FANCC: variants seen among roughly 807,000 people sequenced by gnomAD.
FANCC encodes the protein FA complementation group C.
In FANCC, 55 loss-of-function variants were observed where a neutral mutation model predicts 71.3. The observed-to-expected ratio is 0.77, with a 90% confidence interval of 0.62 to 0.97. The LOEUF is 0.97. Among genes scored for constraint, FANCC ranks in the 50% least tolerant of loss-of-function variants. The pLI is 0.00. For synonymous variants in FANCC, 275 were observed against 244.9 expected (o/e 1.12, Z -1.15); for missense variants, 678 against 670.9 (o/e 1.01, Z -0.12).
intron 1 of FANCC, among the ~76,000 whole-genome samples, chr9:95,277,764 CAT>C (rs150485326): frequency 0.01 from 1,582 of 152,210 alleles, 30 homozygotes; most frequent in African/African-American, 0.037. Context: ...CATGGGAAAA[CAT>C]ATTCAAAGTG....
chr9:95,150,093 GAAGAAAT>G lies in FANCC; in HGVS notation c.522-13_522-7del. The G allele has an allele frequency of 6.2e-7, 1 of 1,613,934 alleles. No homozygotes were observed. The highest frequency in any genetic ancestry group is 8.5e-7 in the Non-Finnish European group (1 of 1,179,926). On this transcript the variant is annotated splice_region_variant and splice_polypyrimidine_tract_variant and intron_variant, in intron 6 of 14. Coordinates refer to ENST00000289081, the MANE Select transcript of FANCC (RefSeq NM_000136.3). ...CCACTCGCTCGGGAGCCATTCTATGGAAGAAATAAGAAATAATCACTCAAATCTAAGA... is the reference window on the plus strand; with the variant it reads ...CCACTCGCTCGGGAGCCATTCTATGGAAGAAATAATCACTCAAATCTAAGA...
intron 4 of FANCC, among the ~76,000 whole-genome samples, chr9:95,215,364 G>A (rs896122442): frequency 1.3e-5 from 2 of 152,130 alleles, no homozygotes; most frequent in Non-Finnish European, 2.9e-5. Flanking sequence ...AGGAGAGGAG[G>A]AGAGGGAGAT....
At chr9:95,184,699 T>C (rs1035320666) in intron 4 of FANCC, among the ~76,000 whole-genome samples, 2 of 152,102 alleles carry the variant, frequency 1.3e-5, no homozygotes, top group African/African-American at 4.8e-5. Flanking sequence ...AAAATTCACA[T>C]GGAGAAGCAA....
intron 1 of FANCC, among the ~76,000 whole-genome samples, chr9:95,271,934 T>TTTC (rs1459423926): frequency 2.3e-4 from 22 of 96,340 alleles, no homozygotes; most frequent in Admixed American, 2.2e-4. Context: ...CTTCTTTTTT[T>TTTC]TTTTTTTTTT....
intron 1 of FANCC, chr9:95,294,528 C>A: frequency 6.4e-7 from 1 of 1,553,946 alleles, no homozygotes; most frequent in Non-Finnish European, 8.9e-7. Context: ...CCAGCTTTTC[C>A]ATGAGTACTG....
At chr9:95,244,624 A>G (rs112725504) in intron 3 of FANCC, among the ~76,000 whole-genome samples, 1,611 of 132,994 alleles carry the variant, frequency 0.012, 30 homozygotes, top group African/African-American at 0.042. Context: ...GGTTGCAGTG[A>G]GCCGAGATCA....
At chr9:95,314,329 T>C (rs986814398) in intron 1 of FANCC, among the ~76,000 whole-genome samples, 6 of 152,286 alleles carry the variant, frequency 3.9e-5, no homozygotes, top group South Asian at 2.1e-4. Context: ...ACCTGTGGAG[T>C]AGCCATTCTT....
At chr9:95,295,387 C>T (rs1187053896) in intron 1 of FANCC, among the ~76,000 whole-genome samples, 1 of 151,998 alleles carries the variant, frequency 6.6e-6, no homozygotes, top group African/African-American at 2.4e-5. Context: ...CAAAGCAAAA[C>T]AAAACAAAGC....
At chr9:95,134,640 C>T (rs1425016946) in intron 8 of FANCC, among the ~76,000 whole-genome samples, 1 of 152,202 alleles carries the variant, frequency 6.6e-6, no homozygotes, top group East Asian at 1.9e-4. Context: ...TTTCAGGGTG[C>T]CTTGGTCTTT....
intron 4 of FANCC, among the ~76,000 whole-genome samples, chr9:95,194,192 C>G (rs985960618): frequency 2.6e-5 from 4 of 152,142 alleles, no homozygotes; most frequent in African/African-American, 9.7e-5. Context: ...TGGAGGATTA[C>G]TTTGGTCATT....
chr9:95,293,236 A>G, intron 1 of FANCC: 1 of 1,613,158 alleles, frequency 6.2e-7, no homozygotes, highest in South Asian at 1.1e-5. Context: ...CAAAGCCCAA[A>G]GTGGCTTTGC....
chr9:95,292,650 G>A (rs959799794), intron 1 of FANCC: 104 of 1,395,752 alleles, frequency 7.5e-5, no homozygotes, highest in Non-Finnish European at 1.0e-4. Flanking sequence ...CATGCACCTG[G>A]TCAAGAGCCA....
In FANCC at chr9:95,149,613, G is replaced by A. The variant is rs116104972; in HGVS notation, c.686+310C>T. Among the ~76,000 whole-genome samples the A allele has an allele frequency of 0.011, 1,647 of 151,916 alleles. 40 individuals are homozygous for A. The highest frequency in any genetic ancestry group is 0.038 in the African/African-American group (1,556 of 41,422). The stretch of plus-strand genomic sequence containing the variant: ...CCTGACTCAGCCCCCCTAGTAGCTG[G>A]GATTAGAGGCACACACCACCATGCT... On this transcript the variant is annotated intron_variant, in intron 7 of 14. Transcript: ENST00000289081.
intron 1 of FANCC, among the ~76,000 whole-genome samples, chr9:95,314,697 A>T (rs757377444): frequency 6.6e-6 from 1 of 152,160 alleles, no homozygotes; most frequent in Non-Finnish European, 1.5e-5. Context: ...GATAAAAAAA[A>T]TTTTAATGAA....
At chr9:95,137,958 G>A (rs964754655) in intron 7 of FANCC, among the ~76,000 whole-genome samples, 4 of 152,280 alleles carry the variant, frequency 2.6e-5, no homozygotes, top group African/African-American at 4.8e-5. Flanking sequence ...GAGGACTGGC[G>A]GTAACGGGAG....
intron 1 of FANCC, among the ~76,000 whole-genome samples, chr9:95,300,561 T>C (rs1189549529): frequency 6.6e-6 from 1 of 151,950 alleles, no homozygotes; most frequent in East Asian, 1.9e-4. Context: ...AGCAATTCTC[T>C]TGCCTCAGCC....
At chr9:95,266,318 T>C (rs1309995742) in intron 1 of FANCC, among the ~76,000 whole-genome samples, 1 of 152,184 alleles carries the variant, frequency 6.6e-6, no homozygotes, top group Non-Finnish European at 1.5e-5. Flanking sequence ...CAAAATTAAT[T>C]CAGCGTGATC....
intron 7 of FANCC, among the ~76,000 whole-genome samples, chr9:95,136,199 T>C (rs4743990): frequency 0.22 from 33,570 of 152,010 alleles, 4,778 homozygotes; most frequent in Non-Finnish European, 0.32. Flanking sequence ...AAGACCAGCC[T>C]GGTCAAATAG....
intron 1 of FANCC, among the ~76,000 whole-genome samples, chr9:95,279,673 C>G (rs111992472): frequency 7.2e-5 from 11 of 152,070 alleles, no homozygotes; most frequent in Non-Finnish European, 1.5e-5. Flanking sequence ...TCAGGCTGGA[C>G]ACGGTGGCTC....
Sources: allele counts gnomAD v4.1 joint callset (sites outside exome capture counted in the v4.1 genomes callset), GRCh38; gene constraint gnomAD v4.1.1; transcripts MANE v1.5; gene names NCBI Gene and HGNC (gene_info 2026-07-23, HGNC 2026-07-21).